The following NTAQ1 variants were observed in gnomAD, a reference collection of about 807,000 sequenced individuals.
The protein encoded by NTAQ1 is protein N-terminal glutamine amidohydrolase.
Under a neutral mutation model 28.2 loss-of-function variants are expected in NTAQ1, and 21 were observed. The observed-to-expected ratio is 0.74, with a 90% CI of 0.53 to 1.07. The LOEUF is 1.07. Among genes scored for constraint, NTAQ1 ranks in the 50% least tolerant of loss-of-function variants. NTAQ1 has a pLI of 0.00. For missense variants in NTAQ1, 264 were observed against 256.6 expected (o/e 1.03, Z -0.20); for synonymous variants, 105 against 90.0 (o/e 1.17, Z -0.94).
chr8:123,464,592 G>A (rs1435251762), intron 6 of NTAQ1, among the ~76,000 whole-genome samples: 2 of 152,188 alleles, frequency 1.3e-5, no homozygotes, highest in African/African-American at 2.4e-5. Context: ...TACGATGGGG[G>A]CTCTGATAGG....
downstream of NTAQ1, among the ~76,000 whole-genome samples, chr8:123,451,903 T>G (rs1815507361): frequency 6.6e-6 from 1 of 152,216 alleles, no homozygotes; most frequent in Non-Finnish European, 1.5e-5. Flanking sequence ...TTCTATTCCT[T>G]TTTTAGATGA....
intron 1 of NTAQ1, among the ~76,000 whole-genome samples, chr8:123,424,638 C>T (rs1240507913): frequency 1.6e-5 from 1 of 62,266 alleles, no homozygotes; most frequent in African/African-American, 5.8e-5. Flanking sequence ...CTTCTGACCT[C>T]AGGTGATCCG....
At chr8:123,434,312 T>C (rs550840279) in intron 3 of NTAQ1, among the ~76,000 whole-genome samples, 10 of 152,150 alleles carry the variant, frequency 6.6e-5, no homozygotes, top group African/African-American at 2.4e-4. Flanking sequence ...TCACATAGAA[T>C]AGATAATGTG....
At chr8:123,424,230 G>A (rs1233691041) in intron 1 of NTAQ1, among the ~76,000 whole-genome samples, 1 of 147,956 alleles carries the variant, frequency 6.8e-6, no homozygotes, top group Non-Finnish European at 1.5e-5. Flanking sequence ...GTGCCACCAC[G>A]CCTAGCTAAT....
intron 3 of NTAQ1, chr8:123,435,589 C>G (rs927716475): frequency 2.1e-6 from 2 of 944,476 alleles, no homozygotes; most frequent in Admixed American, 6.2e-5. Flanking sequence ...CAGGTGGGGC[C>G]GGCACTGTGG....
chr8:123,423,344 T>C (rs897286799), intron 1 of NTAQ1, among the ~76,000 whole-genome samples: 3 of 150,212 alleles, frequency 2.0e-5, no homozygotes, highest in African/African-American at 2.4e-5. Flanking sequence ...TTCTTTTCCT[T>C]CCTTTCCCTC....
intron 3 of NTAQ1, 129 bp from the exon 4 acceptor site, chr8:123,436,324 T>A: frequency 2.7e-6 from 2 of 748,276 alleles, no homozygotes; most frequent in Non-Finnish European, 4.1e-6. Context: ...GTTTGCTTTA[T>A]TCTATTTTGC....
At chr8:123,452,133 CTG>C (rs1815515338), downstream of NTAQ1, among the ~76,000 whole-genome samples, 1 of 152,230 alleles carries the variant, frequency 6.6e-6, no homozygotes, top group Non-Finnish European at 1.5e-5. Flanking sequence ...TGTCTAGTGT[CTG>C]ATATTGAGAG....
downstream of NTAQ1, among the ~76,000 whole-genome samples, chr8:123,470,316 A>G (rs953926899): frequency 2.0e-5 from 3 of 152,210 alleles, no homozygotes; most frequent in African/African-American, 4.8e-5. Flanking sequence ...CATCCTCTCA[A>G]GGGTTCGTGA....
At chr8:123,463,821 G>A (rs1354566422) in intron 6 of NTAQ1, among the ~76,000 whole-genome samples, 1 of 152,154 alleles carries the variant, frequency 6.6e-6, no homozygotes, top group Non-Finnish European at 1.5e-5. Flanking sequence ...CTGGGATGGT[G>A]ATATTTGGTT....
downstream of NTAQ1, among the ~76,000 whole-genome samples, chr8:123,446,011 CCAGA>C (rs1281598096): frequency 1.3e-5 from 2 of 150,302 alleles, no homozygotes; most frequent in Admixed American, 6.6e-5. Flanking sequence ...TTCTTTTTTT[CCAGA>C]CAGAGTCTCA....
chr8:123,445,903 C>A (rs1815261686), downstream of NTAQ1, among the ~76,000 whole-genome samples: 1 of 151,034 alleles, frequency 6.6e-6, no homozygotes, highest in East Asian at 2.0e-4. Flanking sequence ...ACCTCACCCA[C>A]CCCCAAGATG....
chr8:123,463,850 C>T (rs544354680), intron 6 of NTAQ1, among the ~76,000 whole-genome samples: 2 of 152,302 alleles, frequency 1.3e-5, no homozygotes, highest in Middle Eastern at 3.4e-3. Context: ...ACCCAAATCT[C>T]ATCTTGAATT....
exon 7 of NTAQ1, among the ~76,000 whole-genome samples, chr8:123,469,930 G>C (rs144536946): frequency 3.4e-3 from 521 of 152,298 alleles, no homozygotes; most frequent in Middle Eastern, 6.8e-3. Flanking sequence ...CTAAATGTTT[G>C]TGTCCCCCAA....
chr8:123,436,594 T>G lies in NTAQ1; in HGVS notation c.376T>G (p.Phe126Val), dbSNP rs1205719685. The change falls in exon 4 of 6, where the codon TTT becomes GTT. Residue 126 changes from phenylalanine to valine, a missense_variant. Transcript: ENST00000287387. The stretch of plus-strand genomic sequence containing the variant: ...GTCTGATGATGACATTCACCCACAG[T>G]TTAGGAGGTGAGGACATTCAAGATG... ...FKSDDDIHPQFRRKFRVIRAD... is the reference protein window; with the variant it reads ...FKSDDDIHPQVRRKFRVIRAD... 3 of 1,613,346 alleles carry G rather than the reference T, an allele frequency of 1.9e-6. No individual in the cohort carries two copies. The highest frequency in any genetic ancestry group is 2.5e-6 in the Non-Finnish European group (3 of 1,179,820).
intron 6 of NTAQ1, among the ~76,000 whole-genome samples, chr8:123,447,871 A>G (rs112453760): frequency 6.6e-6 from 1 of 152,224 alleles, no homozygotes; most frequent in Non-Finnish European, 1.5e-5. Context: ...TTCTACAGCA[A>G]CAGAGCTGTG....
At chr8:123,471,620 C>T (rs1816042866), downstream of NTAQ1, among the ~76,000 whole-genome samples, 1 of 152,118 alleles carries the variant, frequency 6.6e-6, no homozygotes, top group African/African-American at 2.4e-5. Context: ...GCTTGAGACC[C>T]AGGGAGAGCT....
chr8:123,458,358 C>A (rs1330800993), intron 6 of NTAQ1, among the ~76,000 whole-genome samples: 2 of 151,898 alleles, frequency 1.3e-5, no homozygotes, highest in African/African-American at 4.8e-5. Context: ...TTCTGTTATA[C>A]CGCTCCGAGC....
At chr8:123,464,103 T>A (rs1815905044) in intron 6 of NTAQ1, among the ~76,000 whole-genome samples, 1 of 152,204 alleles carries the variant, frequency 6.6e-6, no homozygotes, top group Non-Finnish European at 1.5e-5. Flanking sequence ...GAACTGTGAA[T>A]CCATTAAACC....
Sources: gnomAD v4.1 joint callset for allele counts (sites outside exome capture counted in the v4.1 genomes callset) on GRCh38, gnomAD v4.1.1 for gene constraint, MANE v1.5 for transcripts, NCBI Gene and HGNC (gene_info 2026-07-23, HGNC 2026-07-21) for gene names.